The following MLX variants were observed in gnomAD, a reference collection of about 807,000 sequenced individuals.
MLX encodes the protein max-like protein X.
In MLX, 15 loss-of-function variants were observed where a neutral mutation model predicts 33.0. That is an observed-to-expected ratio of 0.45 (90% CI 0.30 to 0.70). The LOEUF (loss-of-function observed/expected upper bound fraction) is 0.70, where lower values mean the gene tolerates loss of function less well. Ranked by LOEUF, MLX falls within the 30% of genes least tolerant of loss-of-function variation. The pLI is 0.07. For missense variants in MLX, 285 were observed against 306.3 expected, an observed-to-expected ratio of 0.93 and a Z score of 0.52; for synonymous variants, 115 against 115.6, an observed-to-expected ratio of 0.99 and a Z score of 0.03.
intron 7 of MLX, 129 bp from the exon 8 acceptor site, chr17:42,571,418 C>T: frequency 3.1e-6 from 3 of 980,616 alleles, no homozygotes; most frequent in Non-Finnish European, 4.8e-6. Context: ...TGAGCCACCA[C>T]ACCTGGCCCC....
At chr17:42,569,144 G>A (rs943603734) in intron 4 of MLX, 60 bp from the exon 5 acceptor site, 22 of 1,506,924 alleles carry the variant, frequency 1.5e-5, no homozygotes, top group Non-Finnish European at 1.9e-5. Flanking sequence ...GAGGAACTTT[G>A]TGCCATTTTG....
intron 6 of MLX, 184 bp from the exon 7 acceptor site, chr17:42,569,798 T>C (rs2093023330): frequency 2.8e-6 from 2 of 719,038 alleles, no homozygotes; most frequent in Admixed American, 2.4e-5. Flanking sequence ...GTTGGATTAA[T>C]GTAAGGAAGG....
intron 6 of MLX, 63 bp downstream of exon 6, chr17:42,569,669 C>G (rs1003302885): frequency 7.7e-7 from 1 of 1,301,070 alleles, no homozygotes; most frequent in African/African-American, 1.5e-5. Context: ...CACACCCTCC[C>G]TTGTTCAAAG....
At chr17:42,567,280 C>G in intron 1 of MLX, 114 bp downstream of exon 1, 1 of 1,346,762 alleles carries the variant, frequency 7.4e-7, no homozygotes, top group Non-Finnish European at 9.6e-7. Flanking sequence ...CCACGCTCTC[C>G]GTGCCCCGGG....
intron 7 of MLX, 84 bp downstream of exon 7, chr17:42,570,267 C>A (rs974787117): frequency 7.3e-7 from 1 of 1,361,912 alleles, no homozygotes; most frequent in Admixed American, 1.9e-5. Flanking sequence ...TTGAGAAAAG[C>A]GTGGCAGCTG....
intron 7 of MLX, 121 bp from the exon 8 acceptor site, chr17:42,571,426 C>T (rs567453768): frequency 1.9e-6 from 2 of 1,078,290 alleles, no homozygotes; most frequent in Non-Finnish European, 2.8e-6. Context: ...CACACCTGGC[C>T]CCCGGGGGGC....
chr17:42,568,902 G>A lies in MLX; in HGVS notation c.235G>A (p.Ala79Thr), dbSNP rs371444407. Residue 79 changes from alanine to threonine, a missense_variant, in exon 4 of 8, where the codon GCA (alanine) becomes ACA (threonine). Coordinates refer to ENST00000435881, the MANE Select transcript of MLX (RefSeq NM_198204.2). ...GTCCTACAAAGACCGGCGGCGGCGCGCACACACTCAGGCTGAGCAGAAGAG... is the reference window on the plus strand; with the variant it reads ...GTCCTACAAAGACCGGCGGCGGCGCACACACACTCAGGCTGAGCAGAAGAG... ...KESYKDRRRRAHTQAEQKRRD... is the reference protein window; with the variant it reads ...KESYKDRRRRTHTQAEQKRRD... The A allele has an allele frequency of 2.7e-5, 43 of 1,610,978 alleles. No homozygotes were observed. Among genetic ancestry groups the A allele is most frequent in the Non-Finnish European group, 3.2e-5 (38 of 1,178,522 alleles).
At chr17:42,570,661 ATTTT>A (rs900261098) in intron 7 of MLX, among the ~76,000 whole-genome samples, 1 of 147,986 alleles carries the variant, frequency 6.8e-6, no homozygotes, top group Non-Finnish European at 1.5e-5. Context: ...GTTTCTCAAC[ATTTT>A]TTTTTTTGAG....
At chr17:42,569,762 A>G (rs920835309) in intron 6 of MLX, 156 bp downstream of exon 6, 1 of 726,940 alleles carries the variant, frequency 1.4e-6, no homozygotes, top group African/African-American at 1.8e-5. Context: ...CTGTCCTTAC[A>G]CATGGCAGAC....
At chr17:42,568,995 T>C in intron 4 of MLX, 52 bp downstream of exon 4, 2 of 1,548,330 alleles carry the variant, frequency 1.3e-6, no homozygotes, top group Non-Finnish European at 1.8e-6. Context: ...CTGCATAGTT[T>C]AGCTTCCCTG....
At chr17:42,567,915 T>C (rs574341443) in intron 2 of MLX, 2 of 560,190 alleles carry the variant, frequency 3.6e-6, no homozygotes, top group East Asian at 2.9e-5. Flanking sequence ...CCTCATCACG[T>C]CCACATGCCC....
Position 42,571,626 on chromosome 17 carries a change from A to C in MLX, c.*23A>C. On this transcript the variant is annotated 3_prime_UTR_variant, in exon 8 of 8. Transcript: ENST00000435881. ...TGACCGGTTCTTGGAAACCTGGAGA[A>C]CAGCCAACAAGAGGCCCTTGAATCT... The C allele has an allele frequency of 6.2e-7, 1 of 1,605,200 alleles. No individual in the cohort carries two copies. The highest frequency in any genetic ancestry group is 1.1e-5 in the South Asian group (1 of 90,696).
At position 42,572,912 on chromosome 17, in the gene MLX, A is replaced by C; in HGVS notation, c.*1309A>C. On this transcript the variant is annotated 3_prime_UTR_variant, in exon 8 of 8. Coordinates refer to ENST00000435881, the MANE Select transcript of MLX (RefSeq NM_198204.2). Reference sequence around the variant, plus strand: ...AACCAAAAACAAGGTAGCCAGTGCAAGACATCTCACTCTTCTGACATCCTG... The same window carrying C: ...AACCAAAAACAAGGTAGCCAGTGCACGACATCTCACTCTTCTGACATCCTG... 3 of 1,590,004 alleles carry C rather than the reference A, an allele frequency of 1.9e-6. No individual in the cohort carries two copies. Among genetic ancestry groups the C allele is most frequent in the Non-Finnish European group, 2.6e-6 (3 of 1,159,290 alleles).
chr17:42,568,328 A>C (rs1182215434), intron 2 of MLX, 142 bp from the exon 3 acceptor site: 1 of 517,176 alleles, frequency 1.9e-6, no homozygotes, highest in Non-Finnish European at 3.5e-6. Context: ...GCGCCACTGC[A>C]CTCTAGCCTG....
intron 2 of MLX, chr17:42,568,226 G>C (rs957247796): frequency 5.2e-5 from 12 of 231,744 alleles, no homozygotes; most frequent in Non-Finnish European, 9.5e-5. Context: ...AGCCGGGCGT[G>C]GTGGCGGGCG....
At chr17:42,567,824 C>T in intron 2 of MLX, 169 bp downstream of exon 2, 2 of 769,740 alleles carry the variant, frequency 2.6e-6, no homozygotes, top group Non-Finnish European at 4.2e-6. Flanking sequence ...CTGAGGGTGA[C>T]ACCTAGTTCC....
rs762500641 is a variant in MLX, at chr17:42,569,940, G to A, written c.477-42G>A. On this transcript the variant is annotated intron_variant, in intron 6 of 7. Coordinates refer to ENST00000435881, the MANE Select transcript of MLX (RefSeq NM_198204.2). ...GTCCCGTCATTCTTCTTGGGTGGGCGGAGCTGCTGCAGCACCTCAGCCCTG... is the reference window on the plus strand; with the variant it reads ...GTCCCGTCATTCTTCTTGGGTGGGCAGAGCTGCTGCAGCACCTCAGCCCTG... 2.2e-5 allele frequency: 34 copies of A among 1,554,618 alleles called. No individual in the cohort carries two copies. In the East Asian group the frequency reaches 4.3e-4, roughly 19 times the overall value.
chr17:42,570,224 A>C, intron 7 of MLX, 41 bp downstream of exon 7: 1 of 1,596,964 alleles, frequency 6.3e-7, no homozygotes, highest in Non-Finnish European at 8.6e-7. Context: ...GGTTTTCTCT[A>C]CCATCAAGCA....
chr17:42,567,538 G>T (rs1597717697), intron 1 of MLX, 81 bp from the exon 2 acceptor site: 2 of 1,600,718 alleles, frequency 1.2e-6, no homozygotes, highest in Non-Finnish European at 1.7e-6. Flanking sequence ...TGGGGGGCGC[G>T]CTGTGCGTGC....
Sources: gnomAD v4.1 joint callset for allele counts (sites outside exome capture counted in the v4.1 genomes callset) on GRCh38, gnomAD v4.1.1 for gene constraint, MANE v1.5 for transcripts, NCBI Gene and HGNC (gene_info 2026-07-23, HGNC 2026-07-21) for gene names.